The following UGT2A1 variants were observed in gnomAD, a reference collection of about 807,000 sequenced individuals.
UGT2A1 encodes the protein UDP glucuronosyltransferase family 2 member A1 complex locus, also known as UDP-glucuronosyltransferase 2A1.
Under a neutral mutation model 45.4 loss-of-function variants are expected in UGT2A1, and 61 were observed. The observed-to-expected ratio is 1.34, with a 90% CI of 1.09 to 1.66. The LOEUF is 1.66. Ranked by LOEUF, UGT2A1 falls within the 40% of genes most tolerant of loss-of-function variation. The pLI is 0.00. For missense variants in UGT2A1, 649 were observed against 574.3 expected, an observed-to-expected ratio of 1.13 and a Z score of -1.33; for synonymous variants, 229 against 196.2, an observed-to-expected ratio of 1.17 and a Z score of -1.40.
At position 69,603,974 on chromosome 4, in the gene UGT2A1, C is replaced by T. The variant is rs1219483989; in HGVS notation, c.848-4580G>A. The stretch of plus-strand genomic sequence containing the variant: ...CCTGAAAGTGATGGGGAGAATGGAA[C>T]CAAGTTGGAAAACACTCTGCAGGAT... On this transcript the variant is annotated intron_variant, in intron 3 of 6. Transcript: ENST00000286604. Among the ~76,000 whole-genome samples the T allele has an allele frequency of 3.7e-5, 5 of 136,392 alleles. 1 individual carries two copies. Among genetic ancestry groups the T allele is most frequent in the Non-Finnish European group, 7.8e-5 (5 of 64,132 alleles). 89.5% of individuals were successfully genotyped at this position (136,392 alleles called of 152,430 possible). A position where few individuals can be genotyped will look rare whatever the true frequency, so the allele number is the denominator to read the frequency against.
chr4:69,624,138 A>G (rs111634811), intron 3 of UGT2A1, among the ~76,000 whole-genome samples: 6 of 151,540 alleles, frequency 4.0e-5, no homozygotes, highest in African/African-American at 7.2e-5. Context: ...ATTTTCATCA[A>G]TTTACTTTCT....
chr4:69,634,251 C>CAAACA (rs144302533), intron 3 of UGT2A1, among the ~76,000 whole-genome samples: 130 of 151,464 alleles, frequency 8.6e-4, no homozygotes, highest in South Asian at 5.2e-3. Flanking sequence ...TCTCAAAAAT[C>CAAACA]AAACAAAACA....
intron 3 of UGT2A1, among the ~76,000 whole-genome samples, chr4:69,625,334 A>G (rs1381794513): frequency 1.3e-5 from 2 of 151,052 alleles, no homozygotes; most frequent in Non-Finnish European, 3.0e-5. Context: ...AATTCACCAA[A>G]TTTGAAAAAT....
chr4:69,597,762 A>G (rs1577948373), intron 4 of UGT2A1, among the ~76,000 whole-genome samples: 1 of 152,038 alleles, frequency 6.6e-6, no homozygotes. Context: ...ACAAACGTAC[A>G]CATCTATCAT....
intron 3 of UGT2A1, among the ~76,000 whole-genome samples, chr4:69,607,503 G>A (rs1719716110): frequency 1.3e-5 from 2 of 151,818 alleles, no homozygotes; most frequent in South Asian, 4.2e-4. Context: ...CAGGACATAG[G>A]CATGGGCAAG....
intron 4 of UGT2A1, 25 bp from the exon 5 acceptor site, chr4:69,595,274 T>C (rs1718856867): frequency 6.2e-7 from 1 of 1,611,806 alleles, no homozygotes; most frequent in East Asian, 2.2e-5. Flanking sequence ...GCTTTAATTT[T>C]GCAAGGAAAA....
At chr4:69,621,478 T>C (rs899234920) in intron 3 of UGT2A1, among the ~76,000 whole-genome samples, 1 of 151,840 alleles carries the variant, frequency 6.6e-6, no homozygotes, top group African/African-American at 2.4e-5. Flanking sequence ...CAGATTAGCT[T>C]TTATTAAAAA....
chr4:69,610,078 A>G (rs1047913113), intron 3 of UGT2A1, among the ~76,000 whole-genome samples: 1 of 152,174 alleles, frequency 6.6e-6, no homozygotes. Context: ...TGGAAGAATC[A>G]TGTTTCTAAT....
At chr4:69,597,715 A>AACACACAC (rs71671445) in intron 4 of UGT2A1, among the ~76,000 whole-genome samples, 71 of 150,352 alleles carry the variant, frequency 4.7e-4, no homozygotes, top group African/African-American at 1.7e-3. Flanking sequence ...TCATTAAAAT[A>AACACACAC]ACACACACAC....
intron 3 of UGT2A1, among the ~76,000 whole-genome samples, chr4:69,624,475 T>C (rs1353605453): frequency 1.3e-5 from 2 of 151,542 alleles, no homozygotes; most frequent in African/African-American, 4.8e-5. Context: ...ATTATCTACA[T>C]GTTTGAGTTG....
intron 2 of UGT2A1, chr4:69,638,797 C>T (rs753061095): frequency 7.3e-7 from 1 of 1,377,040 alleles, no homozygotes; most frequent in Non-Finnish European, 9.6e-7. Flanking sequence ...AGTCCATTAT[C>T]TTCAGCTCAG....
At position 69,600,916 on chromosome 4, in the gene UGT2A1, C is replaced by T. The variant is rs117039532; in HGVS notation, c.848-1522G>A. On this transcript the variant is annotated intron_variant, in intron 3 of 6. Coordinates refer to ENST00000286604, the MANE Select transcript of UGT2A1 (RefSeq NM_001252275.3). ...AATACTCTACCCCCATGATCCAATC[C>T]TCTCCAATCAGGCCCCACTTCCAAC... is the stretch of plus-strand genomic sequence containing the variant. Among the ~76,000 whole-genome samples the T allele has an allele frequency of 3.2e-3, 488 of 152,230 alleles. 5 individuals are homozygous for T. Among genetic ancestry groups the T allele is most frequent in the East Asian group, 0.02 (105 of 5,168 alleles).
chr4:69,599,620 G>A, intron 3 of UGT2A1: 1 of 475,472 alleles, frequency 2.1e-6, no homozygotes, highest in Non-Finnish European at 3.4e-6. Flanking sequence ...AGGGAGGAAG[G>A]CAGGCAAGCA....
intron 3 of UGT2A1, among the ~76,000 whole-genome samples, chr4:69,614,410 A>G (rs60598166): frequency 0.18 from 27,626 of 151,600 alleles, 2,863 homozygotes; most frequent in Non-Finnish European, 0.24. Flanking sequence ...CAAGTTACAG[A>G]TTCATTGCAA....
At chr4:69,594,888 G>T (rs559282061) in intron 5 of UGT2A1, among the ~76,000 whole-genome samples, 192 bp from the exon 6 acceptor site, 11 of 152,276 alleles carry the variant, frequency 7.2e-5, no homozygotes, top group African/African-American at 2.4e-4. Flanking sequence ...AACAGCATTT[G>T]CATTTTCTGG....
intron 1 of UGT2A1, among the ~76,000 whole-genome samples, chr4:69,650,935 TGTGCATGACAAGCA>T (rs573529259): frequency 8.1e-4 from 123 of 152,330 alleles, no homozygotes; most frequent in African/African-American, 2.8e-3. Flanking sequence ...GCTACCTGGA[TGTGCATGACAAGCA>T]GTGCGCAAAA....
chr4:69,652,879 G>C (rs1185492749), intron 1 of UGT2A1, among the ~76,000 whole-genome samples: 2 of 152,102 alleles, frequency 1.3e-5, no homozygotes, highest in African/African-American at 4.8e-5. Context: ...CTCTCCACTG[G>C]TAGGAACAAA....
intron 3 of UGT2A1, among the ~76,000 whole-genome samples, chr4:69,618,032 T>G (rs1720501392): frequency 6.6e-6 from 1 of 151,972 alleles, no homozygotes; most frequent in African/African-American, 2.4e-5. Flanking sequence ...CCTTAAGAAT[T>G]TATTTGTTTG....
intron 3 of UGT2A1, among the ~76,000 whole-genome samples, chr4:69,620,742 T>C (rs1347364519): frequency 6.7e-6 from 1 of 149,168 alleles, no homozygotes; most frequent in Non-Finnish European, 1.5e-5. Context: ...CTTTAAACTA[T>C]ACTACAGGGC....
Sources: gnomAD v4.1 joint callset for allele counts (sites outside exome capture counted in the v4.1 genomes callset) on GRCh38, gnomAD v4.1.1 for gene constraint, MANE v1.5 for transcripts, NCBI Gene and HGNC (gene_info 2026-07-23, HGNC 2026-07-21) for gene names.